Variants in BMPR2 observed in about 807,000 individuals in gnomAD.
BMPR2 encodes bone morphogenetic protein receptor type-2.
A neutral mutation model predicts 100.8 loss-of-function variants in BMPR2; 29 were observed. That is an observed-to-expected ratio of 0.29 (90% CI 0.21 to 0.39). The LOEUF (loss-of-function observed/expected upper bound fraction) is 0.39, where lower values mean the gene tolerates loss of function less well. Among genes scored for constraint, BMPR2 ranks in the 10% least tolerant of loss-of-function variants. BMPR2 has a pLI of 1.00. For synonymous variants in BMPR2, 382 were observed against 442.3 expected (o/e 0.86, Z 1.71); for missense variants, 1,011 against 1,274.5 (o/e 0.79, Z 3.15).
intron 11 of BMPR2, 94 bp from the exon 12 acceptor site, chr2:202,555,158 C>G: frequency 1.7e-6 from 2 of 1,180,032 alleles, no homozygotes; most frequent in South Asian, 2.6e-5. Flanking sequence ...AAATGAAAAA[C>G]AACTCAGACT....
intron 3 of BMPR2, among the ~76,000 whole-genome samples, chr2:202,485,545 C>CTTTTTTTTTTTTCTTTTT (rs1692757659): frequency 1.6e-5 from 1 of 64,010 alleles, no homozygotes; most frequent in Non-Finnish European, 2.7e-5. Context: ...TTGCCTTTAT[C>CTTTTTTTTTTTTCTTTTT]TTTTTTTTTT....
intron 3 of BMPR2, among the ~76,000 whole-genome samples, chr2:202,478,256 C>A (rs147922185): frequency 1.3e-5 from 2 of 152,266 alleles, no homozygotes; most frequent in Non-Finnish European, 2.9e-5. Flanking sequence ...GGCTGTGATA[C>A]ACCTTCAGGA....
intron 1 of BMPR2, among the ~76,000 whole-genome samples, chr2:202,455,604 TA>T (rs1692081865): frequency 6.6e-6 from 1 of 152,206 alleles, no homozygotes; most frequent in South Asian, 2.1e-4. Flanking sequence ...CTTTCCTCAG[TA>T]AAAATCCATT....
chr2:202,535,795 A>T (rs1349848008), intron 9 of BMPR2, among the ~76,000 whole-genome samples: 1 of 152,208 alleles, frequency 6.6e-6, no homozygotes, highest in East Asian at 1.9e-4. Context: ...CCTGGGCACC[A>T]TTGAGCACTG....
intron 3 of BMPR2, among the ~76,000 whole-genome samples, chr2:202,501,956 T>A (rs538295109): frequency 2.1e-4 from 32 of 152,320 alleles, no homozygotes; most frequent in African/African-American, 7.5e-4. Context: ...CGATGGAAGT[T>A]CATTTGTGGA....
intron 1 of BMPR2, among the ~76,000 whole-genome samples, chr2:202,446,496 T>C (rs1245720911): frequency 6.6e-6 from 1 of 150,640 alleles, no homozygotes; most frequent in Non-Finnish European, 1.5e-5. Flanking sequence ...TTCGCTTGTG[T>C]TTTTGAGTCT....
intron 1 of BMPR2, among the ~76,000 whole-genome samples, chr2:202,436,576 A>G (rs1691620106): frequency 6.6e-6 from 1 of 150,866 alleles, no homozygotes; most frequent in African/African-American, 2.5e-5. Context: ...GAAACAATGC[A>G]TGGCCTATCT....
intron 1 of BMPR2, among the ~76,000 whole-genome samples, chr2:202,411,614 T>C (rs1691013960): frequency 2.6e-5 from 4 of 152,304 alleles, no homozygotes; most frequent in Admixed American, 2.6e-4. Context: ...TCAGGTTTTG[T>C]GTGCTCTGTT....
At chr2:202,402,636 G>A (rs1347197774) in intron 1 of BMPR2, among the ~76,000 whole-genome samples, 1 of 150,624 alleles carries the variant, frequency 6.6e-6, no homozygotes, top group Non-Finnish European at 1.5e-5. Flanking sequence ...AATACTGATA[G>A]CAAAACTTGC....
chr2:202,445,985 A>G (rs1433322999), intron 1 of BMPR2, among the ~76,000 whole-genome samples: 1 of 149,904 alleles, frequency 6.7e-6, no homozygotes, highest in Non-Finnish European at 1.5e-5. Context: ...CGTGTTAGCC[A>G]GGATGGTCTT....
chr2:202,511,355 A>G lies in BMPR2; in HGVS notation c.419-2364A>G, dbSNP rs142224849. On this transcript the variant is annotated intron_variant, in intron 3 of 12. Coordinates refer to ENST00000374580, the MANE Select transcript of BMPR2 (RefSeq NM_001204.7). ...GTTTCCACTTTCGGGTGTTGTAAAT[A>G]GTGATGCTGTGAACATGCATGTAGA... Among the ~76,000 whole-genome samples, 452 of 152,300 alleles carry G rather than the reference A, an allele frequency of 3.0e-3. 1 individual carries two copies. Among genetic ancestry groups the G allele is most frequent in the African/African-American group, 0.011 (438 of 41,560 alleles).
At chr2:202,415,944 C>T (rs1691117898) in intron 1 of BMPR2, among the ~76,000 whole-genome samples, 1 of 152,168 alleles carries the variant, frequency 6.6e-6, no homozygotes, top group Non-Finnish European at 1.5e-5. Context: ...AATAATATTT[C>T]ATAGGCTATA....
chr2:202,523,265 C>G (rs1043325751), intron 7 of BMPR2, among the ~76,000 whole-genome samples: 1 of 152,210 alleles, frequency 6.6e-6, no homozygotes, highest in Non-Finnish European at 1.5e-5. Context: ...AAGCGGAACA[C>G]TTATACATTA....
At chr2:202,391,049 A>G (rs544470055) in intron 1 of BMPR2, among the ~76,000 whole-genome samples, 5 of 127,550 alleles carry the variant, frequency 3.9e-5, no homozygotes, top group South Asian at 2.6e-4. Flanking sequence ...CTGGGGTGCA[A>G]TGGCGCAACC....
chr2:202,445,980 T>G (rs1312657527), intron 1 of BMPR2, among the ~76,000 whole-genome samples: 1 of 149,930 alleles, frequency 6.7e-6, no homozygotes. Flanking sequence ...TTCACCGTGT[T>G]AGCCAGGATG....
chr2:202,552,861 C>T lies in BMPR2; in HGVS notation c.1559C>T (p.Pro520Leu), dbSNP rs1162340271. The T allele has an allele frequency of 1.9e-6, 3 of 1,614,018 alleles. No homozygotes were observed. The Admixed American group carries it at 5.0e-5, about 27-fold the overall frequency. Residue 520 changes from proline (P) to leucine (L), a missense_variant, in exon 11 of 13, where the codon CCA (proline) becomes CTA (leucine). By Grantham distance (98) the Pro-to-Leu change is moderately conservative (BLOSUM62 -3). Coordinates refer to ENST00000374580, the MANE Select transcript of BMPR2 (RefSeq NM_001204.7). Reference sequence around the variant, plus strand: ...AAATCTGTGAGCCCAACAGTCAATCCAATGTCTACTGCTATGCAGAATGAA... The same window carrying T: ...AAATCTGTGAGCCCAACAGTCAATCTAATGTCTACTGCTATGCAGAATGAA... ...RNKSVSPTVN[P>L]MSTAMQNERN...
chr2:202,562,906 A>G lies in BMPR2; in HGVS notation c.*2960A>G, dbSNP rs1377296866. Reference sequence around the variant, plus strand: ...GCACATACTGAATGCTGAAGTATACATATGCTATTTCTCTTAAACCTCAGA... The same window carrying G: ...GCACATACTGAATGCTGAAGTATACGTATGCTATTTCTCTTAAACCTCAGA... On this transcript the variant is annotated 3_prime_UTR_variant, in exon 13 of 13. Coordinates refer to ENST00000374580, the MANE Select transcript of BMPR2 (RefSeq NM_001204.7). 4 of 152,214 alleles carry G rather than the reference A, an allele frequency of 2.6e-5. No individual in the cohort carries two copies. Among genetic ancestry groups the G allele is most frequent in the African/African-American group, 4.8e-5 (2 of 41,450 alleles). 9.4% of individuals were successfully genotyped at this position (152,214 alleles called of 1,614,324 possible).
intron 3 of BMPR2, among the ~76,000 whole-genome samples, chr2:202,511,824 G>A (rs57080353): frequency 0.098 from 14,919 of 151,820 alleles, 978 homozygotes; most frequent in South Asian, 0.25. Context: ...GTTCAAGACC[G>A]ATCTGGTTAA....
chr2:202,465,805 A>G (rs1019818831), intron 2 of BMPR2, among the ~76,000 whole-genome samples: 1 of 152,148 alleles, frequency 6.6e-6, no homozygotes, highest in African/African-American at 2.4e-5. Context: ...GTGAGCCGAG[A>G]TCGCACCACT....
Sources: allele counts gnomAD v4.1 joint callset (sites outside exome capture counted in the v4.1 genomes callset), GRCh38; gene constraint gnomAD v4.1.1; transcripts MANE v1.5; gene names NCBI Gene and HGNC (gene_info 2026-07-23, HGNC 2026-07-21).